Variants in CHCHD3 observed in about 807,000 individuals in gnomAD.
CHCHD3 encodes MICOS complex subunit MIC19.
A neutral mutation model predicts 38.2 loss-of-function variants in CHCHD3; 20 were observed. The ratio of observed to expected loss-of-function variants is 0.52; its 90% CI spans 0.37 to 0.76. The LOEUF is 0.76. Among genes scored for constraint, CHCHD3 ranks in the 30% least tolerant of loss-of-function variants. CHCHD3 has a pLI of 0.00. For missense variants in CHCHD3, 245 were observed against 279.2 expected (o/e 0.88, Z 0.87); for synonymous variants, 82 against 100.0 (o/e 0.82, Z 1.07).
At chr7:132,910,971 A>C (rs1809934235) in intron 4 of CHCHD3, among the ~76,000 whole-genome samples, 1 of 152,254 alleles carries the variant, frequency 6.6e-6, no homozygotes. Context: ...AAGGAGAAGA[A>C]AAACTAACAG....
intron 3 of CHCHD3, among the ~76,000 whole-genome samples, chr7:132,990,549 C>A (rs768257150): frequency 6.6e-6 from 1 of 152,118 alleles, no homozygotes; most frequent in African/African-American, 2.4e-5. Flanking sequence ...ATCCTGGTTC[C>A]GTGACCTGAG....
At chr7:132,893,847 G>A (rs1036724874) in intron 4 of CHCHD3, among the ~76,000 whole-genome samples, 1 of 152,110 alleles carries the variant, frequency 6.6e-6, no homozygotes, top group Non-Finnish European at 1.5e-5. Flanking sequence ...ATGATTGTAA[G>A]GTTCCTGAGG....
chr7:132,885,873 C>T (rs1202088115), intron 4 of CHCHD3, 128 bp from the exon 5 acceptor site: 1 of 546,262 alleles, frequency 1.8e-6, no homozygotes, highest in Non-Finnish European at 3.1e-6. Context: ...TAGGTCTCTG[C>T]CATAGAAAAA....
intron 6 of CHCHD3, among the ~76,000 whole-genome samples, chr7:132,807,353 A>T: frequency 6.6e-6 from 1 of 152,048 alleles, no homozygotes; most frequent in Non-Finnish European, 1.5e-5. Context: ...AAGTATATCT[A>T]AGGCAGGAAT....
intron 5 of CHCHD3, among the ~76,000 whole-genome samples, chr7:132,841,091 C>T (rs1040506769): frequency 1.3e-5 from 2 of 152,162 alleles, no homozygotes; most frequent in Non-Finnish European, 2.9e-5. Context: ...CAGGAGGTAA[C>T]ATCATGTAAC....
At chr7:132,866,961 CA>C (rs1808642713) in intron 5 of CHCHD3, among the ~76,000 whole-genome samples, 1 of 152,212 alleles carries the variant, frequency 6.6e-6, no homozygotes, top group African/African-American at 2.4e-5. Context: ...GCTCACGTAG[CA>C]TCTAATCGGA....
intron 4 of CHCHD3, among the ~76,000 whole-genome samples, chr7:132,926,708 A>G (rs1810387304): frequency 6.6e-6 from 1 of 152,190 alleles, no homozygotes; most frequent in Non-Finnish European, 1.5e-5. Context: ...TCATATTTGT[A>G]TATAACCTAG....
chr7:132,990,179 A>C (rs1304660832), intron 3 of CHCHD3, among the ~76,000 whole-genome samples: 1 of 152,206 alleles, frequency 6.6e-6, no homozygotes, highest in Non-Finnish European at 1.5e-5. Context: ...ATCTCAAAAA[A>C]TAAATAAATA....
chr7:132,964,349 G>A (rs1218113734), intron 4 of CHCHD3, among the ~76,000 whole-genome samples: 19 of 152,154 alleles, frequency 1.2e-4, no homozygotes, highest in African/African-American at 2.2e-4. Flanking sequence ...TTGGGAGGCC[G>A]AGGCGGGCAG....
intron 6 of CHCHD3, among the ~76,000 whole-genome samples, chr7:132,812,208 T>TTTC (rs1807090094): frequency 7.4e-6 from 1 of 135,134 alleles, no homozygotes. Context: ...TTCTTTTTTT[T>TTTC]TTTTTTTTTT....
rs188565689 is a variant in CHCHD3, at chr7:132,897,449, C to T, written c.370-11704G>A. Among the ~76,000 whole-genome samples the T allele has an allele frequency of 2.6e-5, 4 of 152,338 alleles. No homozygotes were observed. The East Asian group carries it at 7.7e-4, about 29-fold the overall frequency. On this transcript the variant is annotated intron_variant, in intron 4 of 7. Coordinates refer to ENST00000262570, the MANE Select transcript of CHCHD3 (RefSeq NM_017812.4). Reference sequence around the variant, plus strand: ...ACCTCTTTTCTTGCAATCTGTTTCACATTCAGAGCTGAAGAAAACATCCAG... The same window carrying T: ...ACCTCTTTTCTTGCAATCTGTTTCATATTCAGAGCTGAAGAAAACATCCAG...
intron 5 of CHCHD3, among the ~76,000 whole-genome samples, chr7:132,842,345 T>A (rs1243979167): frequency 1.3e-5 from 2 of 152,112 alleles, no homozygotes; most frequent in African/African-American, 2.4e-5. Context: ...TGTGAAAAAA[T>A]TTTAAAGTTA....
At chr7:132,920,072 C>A (rs1810221856) in intron 4 of CHCHD3, among the ~76,000 whole-genome samples, 1 of 152,110 alleles carries the variant, frequency 6.6e-6, no homozygotes. Flanking sequence ...CTTCTCTATC[C>A]CTTTATTATA....
At chr7:132,912,649 G>C (rs1485015300) in intron 4 of CHCHD3, among the ~76,000 whole-genome samples, 1 of 152,126 alleles carries the variant, frequency 6.6e-6, no homozygotes, top group Non-Finnish European at 1.5e-5. Context: ...CTGCCTCCTG[G>C]GTTCAAGTGA....
chr7:132,897,842 T>C (rs755788930), intron 4 of CHCHD3, among the ~76,000 whole-genome samples: 6 of 151,904 alleles, frequency 3.9e-5, no homozygotes, highest in Non-Finnish European at 8.8e-5. Flanking sequence ...TGGTGGGTTC[T>C]TGGTCTCACT....
intron 4 of CHCHD3, among the ~76,000 whole-genome samples, chr7:132,959,872 C>A (rs1376896748): frequency 6.6e-6 from 1 of 151,910 alleles, no homozygotes; most frequent in Admixed American, 6.6e-5. Flanking sequence ...AGCTAAATAC[C>A]CCCTTTCATA....
At chr7:133,073,161 G>C (rs922319113) in intron 1 of CHCHD3, among the ~76,000 whole-genome samples, 5 of 151,614 alleles carry the variant, frequency 3.3e-5, no homozygotes, top group Non-Finnish European at 7.4e-5. Context: ...AACACCTCTG[G>C]CCACTCCCGT....
chr7:133,024,096 T>A (rs1206940132), intron 3 of CHCHD3, among the ~76,000 whole-genome samples: 2 of 152,212 alleles, frequency 1.3e-5, no homozygotes, highest in Non-Finnish European at 2.9e-5. Context: ...AACATCCTAA[T>A]TTTTTTACGT....
At chr7:132,956,622 T>C (rs1811176203) in intron 4 of CHCHD3, among the ~76,000 whole-genome samples, 1 of 152,246 alleles carries the variant, frequency 6.6e-6, no homozygotes, top group South Asian at 2.1e-4. Context: ...TTCTCTGTAT[T>C]CAGTGACCAT....
Sources: allele counts gnomAD v4.1 joint callset (sites outside exome capture counted in the v4.1 genomes callset), GRCh38; gene constraint gnomAD v4.1.1; transcripts MANE v1.5; gene names NCBI Gene and HGNC (gene_info 2026-07-23, HGNC 2026-07-21).